Variants in DPP10 observed in about 807,000 individuals in gnomAD.
DPP10 encodes dipeptidyl peptidase like 10.
Under a neutral mutation model 120.9 loss-of-function variants are expected in DPP10, and 33 were observed. The observed-to-expected ratio is 0.27, with a 90% CI of 0.21 to 0.37. The LOEUF is 0.37. DPP10 is among the 10% of genes least tolerant of loss of function. The pLI is 1.00. For synonymous variants in DPP10, 337 were observed against 326.1 expected (o/e 1.03, Z -0.36); for missense variants, 816 against 942.8 (o/e 0.87, Z 1.76).
At chr2:114,971,531 G>T (rs1481097892) in intron 1 of DPP10, among the ~76,000 whole-genome samples, 1 of 152,066 alleles carries the variant, frequency 6.6e-6, no homozygotes, top group Non-Finnish European at 1.5e-5. Flanking sequence ...CATTAAAATT[G>T]TTTCACACAG....
intron 1 of DPP10, among the ~76,000 whole-genome samples, chr2:114,800,959 T>G (rs1684141811): frequency 6.6e-6 from 1 of 151,790 alleles, no homozygotes; most frequent in African/African-American, 2.4e-5. Context: ...AAATCACATC[T>G]TTACGAAAGG....
At chr2:114,809,217 G>T (rs959350785) in intron 1 of DPP10, among the ~76,000 whole-genome samples, 2 of 152,112 alleles carry the variant, frequency 1.3e-5, no homozygotes, top group Admixed American at 1.3e-4. Context: ...GTCCTAGATT[G>T]GCCAAGTTTT....
intron 1 of DPP10, among the ~76,000 whole-genome samples, chr2:115,243,426 AAAAAT>A (rs2105590167): frequency 6.6e-6 from 1 of 152,328 alleles, no homozygotes; most frequent in South Asian, 2.1e-4. Flanking sequence ...TTAGCTTTAA[AAAAAT>A]AAAATAAGGG....
At chr2:115,121,033 C>A (rs1009001344) in intron 1 of DPP10, among the ~76,000 whole-genome samples, 32 of 152,190 alleles carry the variant, frequency 2.1e-4, no homozygotes, top group African/African-American at 7.5e-4. Context: ...AGTTAGATTT[C>A]TTACTAGGGC....
intron 5 of DPP10, among the ~76,000 whole-genome samples, chr2:115,679,270 A>C (rs533398167): frequency 1.6e-4 from 25 of 152,222 alleles, no homozygotes; most frequent in African/African-American, 6.0e-4. Context: ...TGTAGTTCCC[A>C]TAATCCCTAC....
chr2:115,683,051 T>C (rs2090761569), intron 5 of DPP10, among the ~76,000 whole-genome samples: 1 of 151,956 alleles, frequency 6.6e-6, no homozygotes, highest in Non-Finnish European at 1.5e-5. Context: ...AGTTTTGTTT[T>C]GCTTTTTAAT....
At chr2:114,967,075 CAA>C (rs776178467) in intron 1 of DPP10, among the ~76,000 whole-genome samples, 10 of 152,022 alleles carry the variant, frequency 6.6e-5, no homozygotes, top group East Asian at 5.8e-4. Context: ...AAAAAAGAGA[CAA>C]GAGAGAAAGT....
chr2:115,408,846 A>C (rs964345201), intron 3 of DPP10, among the ~76,000 whole-genome samples: 2 of 152,134 alleles, frequency 1.3e-5, no homozygotes, highest in African/African-American at 4.8e-5. Context: ...TTTTAGCCTT[A>C]ATTTTAAAAA....
intron 5 of DPP10, among the ~76,000 whole-genome samples, chr2:115,645,205 T>A (rs2087133373): frequency 6.6e-6 from 1 of 152,226 alleles, no homozygotes; most frequent in African/African-American, 2.4e-5. Context: ...ACTTTCCTTA[T>A]GTTATAGGCC....
At chr2:115,052,980 A>T (rs1024079648) in intron 1 of DPP10, among the ~76,000 whole-genome samples, 1 of 151,616 alleles carries the variant, frequency 6.6e-6, no homozygotes, top group Non-Finnish European at 1.5e-5. Context: ...GAAAATATTA[A>T]GTGTTGGTGG....
intron 1 of DPP10, among the ~76,000 whole-genome samples, chr2:114,996,216 G>C (rs187545314): frequency 2.3e-4 from 35 of 152,244 alleles, no homozygotes; most frequent in Admixed American, 1.8e-3. Context: ...CTTGAGGCGA[G>C]GTGTAATCAT....
chr2:115,673,107 G>A (rs111735509), intron 5 of DPP10, among the ~76,000 whole-genome samples: 2,042 of 152,040 alleles, frequency 0.013, 33 homozygotes, highest in African/African-American at 0.041. Context: ...TAAAACCCTC[G>A]CCTACATAGC....
intron 1 of DPP10, among the ~76,000 whole-genome samples, chr2:114,953,271 T>A (rs62167699): frequency 0.18 from 26,625 of 152,134 alleles, 2,649 homozygotes; most frequent in Non-Finnish European, 0.22. Flanking sequence ...AGCAATCCCA[T>A]AAGGCACTTA....
chr2:115,142,892 T>C (rs949877864), intron 1 of DPP10, among the ~76,000 whole-genome samples: 2 of 152,184 alleles, frequency 1.3e-5, no homozygotes, highest in African/African-American at 4.8e-5. Context: ...TTACCCTTGC[T>C]GCTGCTGCTG....
intron 1 of DPP10, among the ~76,000 whole-genome samples, chr2:115,033,893 C>CTTTTTTTTTTTTTTTTTTTT (rs965717193): frequency 1.7e-4 from 15 of 89,862 alleles, no homozygotes; most frequent in East Asian, 7.1e-4. Context: ...TTTTCTTTTT[C>CTTTTTTTTTTTTTTTTTTTT]TTTTTTTTTT....
intron 1 of DPP10, among the ~76,000 whole-genome samples, chr2:115,297,513 A>T (rs187230939): frequency 6.6e-6 from 1 of 151,696 alleles, no homozygotes; most frequent in African/African-American, 2.4e-5. Flanking sequence ...AATAAATATT[A>T]TACTAAGCCC....
intron 1 of DPP10, among the ~76,000 whole-genome samples, chr2:114,861,951 A>C (rs1689839763): frequency 6.6e-6 from 1 of 152,206 alleles, no homozygotes; most frequent in South Asian, 2.1e-4. Context: ...TCACAAAAAC[A>C]AAACAATGAG....
chr2:115,215,735 A>G (rs1479460431), intron 1 of DPP10, among the ~76,000 whole-genome samples: 1 of 152,190 alleles, frequency 6.6e-6, no homozygotes, highest in Non-Finnish European at 1.5e-5. Context: ...GAATTATCAT[A>G]TAATCCAGCA....
intron 24 of DPP10, among the ~76,000 whole-genome samples, chr2:115,840,311 G>GTTTGTTT (rs1689961762): frequency 1.2e-4 from 4 of 33,242 alleles, no homozygotes; most frequent in African/African-American, 3.6e-4. Flanking sequence ...CAGATATAAG[G>GTTTGTTT]TTTTTTGGTT....
Sources: gnomAD v4.1 joint callset for allele counts (sites outside exome capture counted in the v4.1 genomes callset) on GRCh38, gnomAD v4.1.1 for gene constraint, MANE v1.5 for transcripts, NCBI Gene and HGNC (gene_info 2026-07-23, HGNC 2026-07-21) for gene names.